MBD2: variants seen among roughly 807,000 people sequenced by gnomAD.
The protein encoded by MBD2 is methyl-CpG binding domain protein 2, also known as methyl-CpG-binding domain protein 2.
A neutral mutation model predicts 39.3 loss-of-function variants in MBD2; 9 were observed. That is an observed-to-expected ratio of 0.23 (90% confidence interval 0.14 to 0.40). MBD2 has a LOEUF of 0.40. MBD2 is among the 10% of genes least tolerant of loss of function. The pLI, the probability that MBD2 is intolerant of heterozygous loss-of-function variation, is 1.00. For missense variants in MBD2, 458 were observed against 532.6 expected (o/e 0.86, Z 1.38); for synonymous variants, 233 against 211.1 (o/e 1.10, Z -0.90).
intron 2 of MBD2, among the ~76,000 whole-genome samples, chr18:54,198,409 A>G (rs556843345): frequency 7.2e-5 from 11 of 152,218 alleles, no homozygotes; most frequent in Non-Finnish European, 1.2e-4. Flanking sequence ...TGAGGAAAAT[A>G]AGCTCTTGGA....
chr18:54,182,999 G>A (rs1005150034), intron 3 of MBD2, among the ~76,000 whole-genome samples: 8 of 152,102 alleles, frequency 5.3e-5, no homozygotes, highest in Admixed American at 3.3e-4. Context: ...GTCTCAGAAC[G>A]GAGCAAGAGA....
At chr18:54,209,793 G>A (rs894235835) in intron 1 of MBD2, among the ~76,000 whole-genome samples, 1 of 152,148 alleles carries the variant, frequency 6.6e-6, no homozygotes, top group Non-Finnish European at 1.5e-5. Context: ...CCCTGGGAGA[G>A]GCAAACTGAG....
intron 5 of MBD2, among the ~76,000 whole-genome samples, chr18:54,160,638 A>T (rs1363965458): frequency 6.7e-5 from 10 of 149,584 alleles, no homozygotes; most frequent in African/African-American, 9.8e-5. Flanking sequence ...GTATACACTT[A>T]CCTTTAAAAA....
chr18:54,222,417 A>T (rs769913877), intron 1 of MBD2: 2 of 504,060 alleles, frequency 4.0e-6, no homozygotes, highest in Non-Finnish European at 7.8e-6. Context: ...TGCTCACAAT[A>T]ACTTTCTTAC....
chr18:54,184,867 G>A (rs1055248474), intron 3 of MBD2, among the ~76,000 whole-genome samples: 4 of 152,022 alleles, frequency 2.6e-5, no homozygotes, highest in African/African-American at 4.8e-5. Flanking sequence ...AGTGTTATAG[G>A]ACACATCCTC....
At chr18:54,219,879 C>T (rs2086595846) in intron 1 of MBD2, among the ~76,000 whole-genome samples, 1 of 152,230 alleles carries the variant, frequency 6.6e-6, no homozygotes, top group African/African-American at 2.4e-5. Flanking sequence ...CAGCTCACTG[C>T]AAGCTCCGCC....
In MBD2 at chr18:54,153,761, T is replaced by C. The variant is rs1379766593; in HGVS notation, c.*1563A>G. The C allele has an allele frequency of 6.6e-6, 1 of 152,216 alleles. No individual in the cohort carries two copies. The highest frequency in any genetic ancestry group is 1.9e-4 in the East Asian group (1 of 5,204). 9.4% of individuals were successfully genotyped at this position (152,216 alleles called of 1,614,324 possible). A position where few individuals can be genotyped will look rare whatever the true frequency, so the allele number is the denominator to read the frequency against. ...GGCAGGCACCCTCTACCAATTGGCT[T>C]CCCAGGGTCTACAAGTTTCCCTGCT... On this transcript the variant is annotated 3_prime_UTR_variant, in exon 7 of 7. Coordinates refer to ENST00000256429, the MANE Select transcript of MBD2 (RefSeq NM_003927.5).
intron 1 of MBD2, among the ~76,000 whole-genome samples, chr18:54,221,351 G>A (rs866977260): frequency 1.3e-3 from 198 of 152,024 alleles, no homozygotes; most frequent in African/African-American, 4.4e-3. Context: ...CCAGCTACTC[G>A]GGAGGCTGAG....
chr18:54,159,665 G>T (rs750621479), intron 6 of MBD2, 100 bp downstream of exon 6: 4 of 1,364,824 alleles, frequency 2.9e-6, no homozygotes, highest in African/African-American at 2.9e-5. Context: ...CTGATCGCCC[G>T]CCTCAGCCAC....
intron 2 of MBD2, among the ~76,000 whole-genome samples, chr18:54,204,153 A>C (rs1207285321): frequency 6.6e-6 from 1 of 152,176 alleles, no homozygotes; most frequent in Non-Finnish European, 1.5e-5. Context: ...CATCTTAAGA[A>C]AGAGAGCCCC....
At chr18:54,191,472 T>G (rs2086319773) in intron 2 of MBD2, among the ~76,000 whole-genome samples, 1 of 152,192 alleles carries the variant, frequency 6.6e-6, no homozygotes, top group African/African-American at 2.4e-5. Context: ...TAGCTTCTCT[T>G]AAAAACTGAA....
At chr18:54,210,866 A>ATTTTTTTTTT (rs74180457) in intron 1 of MBD2, among the ~76,000 whole-genome samples, 1 of 99,348 alleles carries the variant, frequency 1.0e-5, no homozygotes, top group African/African-American at 4.3e-5. Flanking sequence ...TCAACTTTCT[A>ATTTTTTTTTT]TTTTTTTTTT....
At position 54,205,174 on chromosome 18, in the gene MBD2, T is replaced by G. The variant is rs1257595524; in HGVS notation, c.543-17A>C. 3 of 1,609,108 alleles carry G rather than the reference T, an allele frequency of 1.9e-6. No homozygotes were observed. In the South Asian group the frequency reaches 3.3e-5, roughly 18 times the overall value. Reference sequence around the variant, plus strand: ...CCACTTGGACTAGAAGAAAGTAAGGTTAATTGAACAAAAGGCAACAATATT... The same window carrying G: ...CCACTTGGACTAGAAGAAAGTAAGGGTAATTGAACAAAAGGCAACAATATT... On this transcript the variant is annotated splice_polypyrimidine_tract_variant and intron_variant, in intron 1 of 6. Coordinates refer to ENST00000256429, the MANE Select transcript of MBD2 (RefSeq NM_003927.5).
chr18:54,203,364 C>A (rs1402429758), intron 2 of MBD2, among the ~76,000 whole-genome samples: 3 of 152,068 alleles, frequency 2.0e-5, no homozygotes, highest in African/African-American at 7.2e-5. Context: ...AGCAAAGTAA[C>A]CCCAGAATAA....
intron 1 of MBD2, among the ~76,000 whole-genome samples, chr18:54,206,373 C>A (rs981590405): frequency 6.6e-6 from 1 of 152,108 alleles, no homozygotes; most frequent in Non-Finnish European, 1.5e-5. Context: ...AATAAATGTG[C>A]TAGAACAAAG....
chr18:54,214,003 CTTTTTT>C (rs529774043), intron 1 of MBD2, among the ~76,000 whole-genome samples: 1 of 129,324 alleles, frequency 7.7e-6, no homozygotes, highest in Non-Finnish European at 1.7e-5. Flanking sequence ...TTCTTTCTTT[CTTTTTT>C]TTTTTTTTTT....
intron 5 of MBD2, 167 bp from the exon 6 acceptor site, chr18:54,160,070 C>T (rs2086084615): frequency 1.5e-6 from 1 of 649,702 alleles, no homozygotes; most frequent in African/African-American, 1.8e-5. Context: ...CAAACCTCAC[C>T]AATGAGCCTT....
chr18:54,163,389 G>A (rs147793095), intron 5 of MBD2, among the ~76,000 whole-genome samples: 257 of 152,090 alleles, frequency 1.7e-3, no homozygotes, highest in African/African-American at 6.0e-3. Context: ...TACATTCAGG[G>A]GACAGAAATA....
chr18:54,205,461 G>A (rs1599102715), intron 1 of MBD2, among the ~76,000 whole-genome samples: 1 of 151,702 alleles, frequency 6.6e-6, no homozygotes, highest in South Asian at 2.1e-4. Context: ...CATGGTGGTG[G>A]GCGCCTGTAA....
Sources: gnomAD v4.1 joint callset for allele counts (sites outside exome capture counted in the v4.1 genomes callset) on GRCh38, gnomAD v4.1.1 for gene constraint, MANE v1.5 for transcripts, NCBI Gene and HGNC (gene_info 2026-07-23, HGNC 2026-07-21) for gene names.